The following AGTPBP1 variants were observed in gnomAD, a reference collection of about 807,000 sequenced individuals.
The protein encoded by AGTPBP1 is ATP/GTP binding carboxypeptidase 1, also known as cytosolic carboxypeptidase 1.
AGTPBP1 carries 70 observed loss-of-function variants against 143.9 expected under a neutral mutation model. That is an observed-to-expected ratio of 0.49 (90% CI 0.40 to 0.59). AGTPBP1 has a LOEUF of 0.59. AGTPBP1 is among the 20% of genes least tolerant of loss of function. AGTPBP1 has a pLI of 0.00. For missense variants in AGTPBP1, 1,229 were observed against 1,464.5 expected (o/e 0.84, Z 2.62); for synonymous variants, 463 against 500.2 (o/e 0.93, Z 0.99).
upstream of AGTPBP1, among the ~76,000 whole-genome samples, chr9:85,746,383 C>A (rs1824580427): frequency 6.6e-6 from 1 of 152,080 alleles, no homozygotes; most frequent in South Asian, 2.1e-4. Context: ...GGTATATACC[C>A]CAGACAGCAT....
chr9:85,759,324 C>T, the AGTPBP1 span, among the ~76,000 whole-genome samples: 7 of 152,172 alleles, frequency 4.6e-5, no homozygotes, highest in Non-Finnish European at 7.3e-5. Context: ...ATACATTCTT[C>T]TCAGCACCAC....
chr9:85,591,362 A>G (rs997866328), intron 19 of AGTPBP1, among the ~76,000 whole-genome samples: 6 of 152,064 alleles, frequency 3.9e-5, no homozygotes, highest in African/African-American at 1.4e-4. Context: ...GGCAGCGGGA[A>G]CTAATGAAGA....
chr9:85,588,292 A>G lies in AGTPBP1; in HGVS notation c.2903+6T>C. The G allele has an allele frequency of 6.3e-7, 1 of 1,593,952 alleles. No homozygotes were observed. Among genetic ancestry groups the G allele is most frequent in the Non-Finnish European group, 8.5e-7 (1 of 1,169,704 alleles). ...GAATATATTCTACAACTATTGCTTA[A>G]CTTACTTTCCATTGATGACACCATC... On this transcript the variant is annotated splice_donor_region_variant and intron_variant, in intron 21 of 25. Coordinates refer to ENST00000357081, the MANE Select transcript of AGTPBP1 (RefSeq NM_001330701.2).
intron 19 of AGTPBP1, 146 bp downstream of exon 19, chr9:85,592,408 TAAACTC>T (rs1164932906): frequency 8.1e-5 from 41 of 504,970 alleles, no homozygotes; most frequent in Non-Finnish European, 4.9e-5. Context: ...AATATTTAAC[TAAACTC>T]AATTAGTATA....
chr9:85,550,801 G>A (rs1243499070), intron 25 of AGTPBP1, among the ~76,000 whole-genome samples: 1 of 152,116 alleles, frequency 6.6e-6, no homozygotes, highest in Non-Finnish European at 1.5e-5. Flanking sequence ...AGCAAGTCCT[G>A]CCACTCAATA....
intron 1 of AGTPBP1, among the ~76,000 whole-genome samples, chr9:85,726,527 G>A (rs935440698): frequency 6.6e-6 from 1 of 152,210 alleles, no homozygotes; most frequent in African/African-American, 2.4e-5. Flanking sequence ...GTAAAGAACT[G>A]TATCTAGTGA....
At chr9:85,586,028 C>T (rs1184006433) in intron 22 of AGTPBP1, among the ~76,000 whole-genome samples, 1 of 152,100 alleles carries the variant, frequency 6.6e-6, no homozygotes, top group African/African-American at 2.4e-5. Flanking sequence ...GCCTGACCAA[C>T]ATGGTAAAAC....
At position 85,741,872 on chromosome 9, in the gene AGTPBP1, T is replaced by G; in HGVS notation, c.-131A>C. The G allele has an allele frequency of 7.2e-7, 1 of 1,391,868 alleles. No individual in the cohort carries two copies. Among genetic ancestry groups the G allele is most frequent in the South Asian group, 1.5e-5 (1 of 64,608 alleles). 86.2% of individuals were successfully genotyped at this position (1,391,868 alleles called of 1,614,324 possible). A position where few individuals can be genotyped will look rare whatever the true frequency, so the allele number is the denominator to read the frequency against. ...ATCCCTCGCCGCCCGCCGCCCGGTG[T>G]TTTCATACAAACCCCGGTGGCAGGC... On this transcript the variant is annotated 5_prime_UTR_variant, in exon 1 of 26. Coordinates refer to ENST00000357081, the MANE Select transcript of AGTPBP1 (RefSeq NM_001330701.2).
chr9:85,549,403 G>A (rs144031602), intron 25 of AGTPBP1, among the ~76,000 whole-genome samples: 94 of 152,244 alleles, frequency 6.2e-4, no homozygotes, highest in African/African-American at 2.1e-3. Flanking sequence ...AGAGATCTAT[G>A]GACAGCGGAA....
chr9:85,763,827 TA>T, the AGTPBP1 span, among the ~76,000 whole-genome samples: 1 of 152,152 alleles, frequency 6.6e-6, no homozygotes, highest in Non-Finnish European at 1.5e-5. Context: ...AATGCTTTTT[TA>T]AAATTATAAA....
intron 24 of AGTPBP1, among the ~76,000 whole-genome samples, chr9:85,577,939 AC>A (rs930203689): frequency 3.3e-5 from 5 of 152,196 alleles, no homozygotes; most frequent in Non-Finnish European, 7.4e-5. Context: ...CTTTTCAAAC[AC>A]AAAGTTATTA....
intron 14 of AGTPBP1, among the ~76,000 whole-genome samples, chr9:85,630,415 T>C (rs907182423): frequency 2.0e-5 from 3 of 151,948 alleles, no homozygotes; most frequent in Non-Finnish European, 4.4e-5. Context: ...TATTTATTTA[T>C]TGAGACAGAG....
chr9:85,764,357 CATCT>C, the AGTPBP1 span, among the ~76,000 whole-genome samples: 1 of 151,196 alleles, frequency 6.6e-6, no homozygotes, highest in Non-Finnish European at 1.5e-5. Context: ...GATAAAACCC[CATCT>C]CTAGTAAAAA....
chr9:85,719,594 T>C (rs551425923), intron 1 of AGTPBP1, among the ~76,000 whole-genome samples: 114 of 152,332 alleles, frequency 7.5e-4, no homozygotes, highest in South Asian at 2.5e-3. Context: ...TATACAATCA[T>C]GTCATCTGCA....
intron 6 of AGTPBP1, 117 bp downstream of exon 6, chr9:85,677,319 T>A: frequency 1.1e-6 from 1 of 884,260 alleles, no homozygotes; most frequent in Non-Finnish European, 1.7e-6. Context: ...AATTATTGTG[T>A]ATCCATAGAA....
intron 13 of AGTPBP1, among the ~76,000 whole-genome samples, chr9:85,637,469 A>G (rs894589041): frequency 1.3e-5 from 2 of 152,228 alleles, no homozygotes; most frequent in Admixed American, 6.5e-5. Context: ...AAAATAAAAT[A>G]CTATCAAGCA....
chr9:85,566,782 GACAAAGTGCCCT>G (rs991956676), intron 25 of AGTPBP1, among the ~76,000 whole-genome samples: 2 of 152,192 alleles, frequency 1.3e-5, no homozygotes, highest in African/African-American at 4.8e-5. Context: ...CAGAGAGGCT[GACAAAGTGCCCT>G]ACAGGCAGGG....
intron 25 of AGTPBP1, among the ~76,000 whole-genome samples, chr9:85,549,955 C>T (rs1278969977): frequency 6.6e-6 from 1 of 152,198 alleles, no homozygotes; most frequent in Non-Finnish European, 1.5e-5. Context: ...CTATAACCCA[C>T]AATGGCCCTA....
chr9:85,557,102 A>G (rs572493657), intron 25 of AGTPBP1, among the ~76,000 whole-genome samples: 41 of 152,304 alleles, frequency 2.7e-4, no homozygotes, highest in African/African-American at 9.6e-4. Context: ...TGAGAGAAAT[A>G]ACTTTTTCTC....
Sources: gnomAD v4.1 joint callset for allele counts (sites outside exome capture counted in the v4.1 genomes callset) on GRCh38, gnomAD v4.1.1 for gene constraint, MANE v1.5 for transcripts, NCBI Gene and HGNC (gene_info 2026-07-23, HGNC 2026-07-21) for gene names.